TBC1D22A: variants seen among roughly 807,000 people sequenced by gnomAD.
TBC1D22A encodes the protein putative GTPase activator.
In TBC1D22A, 38 loss-of-function variants were observed where a neutral mutation model predicts 60.2. The ratio of observed to expected loss-of-function variants is 0.63; its 90% confidence interval spans 0.49 to 0.83. TBC1D22A has a LOEUF of 0.83. Ranked by LOEUF, TBC1D22A falls within the 40% of genes least tolerant of loss-of-function variation. The pLI is 0.00. For missense variants in TBC1D22A, 628 were observed against 701.0 expected (o/e 0.90, Z 1.18); for synonymous variants, 302 against 281.7 (o/e 1.07, Z -0.72).
At chr22:47,172,325 A>G (rs1829772069) in intron 12 of TBC1D22A, among the ~76,000 whole-genome samples, 8 of 152,262 alleles carry the variant, frequency 5.3e-5, no homozygotes, top group Admixed American at 5.2e-4. Context: ...CAGCCCTGAC[A>G]GTAATTTACT....
At chr22:47,117,693 ACCT>A (rs2066120162) in intron 12 of TBC1D22A, among the ~76,000 whole-genome samples, 3 of 152,234 alleles carry the variant, frequency 2.0e-5, no homozygotes, top group African/African-American at 7.2e-5. Context: ...TTCGTCGGAA[ACCT>A]CCTTGTAGAG....
intron 10 of TBC1D22A, among the ~76,000 whole-genome samples, chr22:47,002,295 G>C (rs1180945878): frequency 6.6e-6 from 1 of 152,176 alleles, no homozygotes; most frequent in Non-Finnish European, 1.5e-5. Flanking sequence ...TGTCACGTCT[G>C]ATGTTAACCT....
chr22:46,846,542 T>C (rs1273961163), intron 4 of TBC1D22A, among the ~76,000 whole-genome samples: 1 of 152,190 alleles, frequency 6.6e-6, no homozygotes, highest in Non-Finnish European at 1.5e-5. Context: ...ATCATTGTCA[T>C]CAGGCCTGGG....
intron 11 of TBC1D22A, among the ~76,000 whole-genome samples, chr22:47,092,529 T>C (rs1240694559): frequency 6.6e-6 from 1 of 152,136 alleles, no homozygotes; most frequent in African/African-American, 2.4e-5. Flanking sequence ...GGGAGCAGAC[T>C]GCAGGCTGCA....
chr22:46,944,900 A>C (rs889938847), intron 8 of TBC1D22A, among the ~76,000 whole-genome samples: 5 of 152,242 alleles, frequency 3.3e-5, no homozygotes, highest in African/African-American at 1.2e-4. Context: ...AATTCACAAA[A>C]GCTGAAAGTT....
intron 11 of TBC1D22A, among the ~76,000 whole-genome samples, chr22:47,082,003 C>T (rs2064486785): frequency 6.6e-6 from 1 of 152,040 alleles, no homozygotes; most frequent in African/African-American, 2.4e-5. Context: ...ACTAAAAATA[C>T]AAAAATTAGC....
intron 4 of TBC1D22A, among the ~76,000 whole-genome samples, chr22:46,847,953 GT>G: frequency 1.7e-5 from 1 of 57,570 alleles, no homozygotes; most frequent in Non-Finnish European, 3.8e-5. Flanking sequence ...GTGTGTGTGT[GT>G]GCGCGCGCGC....
chr22:46,987,173 C>T (rs1331827964), intron 9 of TBC1D22A, among the ~76,000 whole-genome samples: 2 of 152,152 alleles, frequency 1.3e-5, no homozygotes, highest in African/African-American at 2.4e-5. Flanking sequence ...AAGTCATGCC[C>T]CCTGTACGCT....
chr22:47,173,640 C>T lies in TBC1D22A; in HGVS notation c.*14C>T, dbSNP rs572528969. 48 of 1,613,222 alleles carry T rather than the reference C, an allele frequency of 3.0e-5. No individual in the cohort carries two copies. The highest frequency in any genetic ancestry group is 3.0e-4 in the South Asian group (27 of 91,060). On this transcript the variant is annotated 3_prime_UTR_variant, in exon 13 of 13. Transcript: ENST00000337137. ...TACAAGAAATGAGCCCAGGCCCACC[C>T]GCAGCTGGCCTCACTGTCCCGGGTG...
intron 8 of TBC1D22A, among the ~76,000 whole-genome samples, chr22:46,946,859 A>T (rs1257316296): frequency 6.6e-6 from 1 of 152,172 alleles, no homozygotes; most frequent in Non-Finnish European, 1.5e-5. Flanking sequence ...TTGCAACCTG[A>T]TAACACCTCC....
rs1044797288 is a variant in TBC1D22A, at chr22:46,793,575, A to G, written c.194A>G (p.Glu65Gly). ...AGGGTCAGCACCTTCCAGGAGTTTG[A>G]GAGCAATACCAGCGATGCCTGGGAC... is the stretch of plus-strand genomic sequence containing the variant. ...AKRVSTFQEF[E>G]SNTSDAWDAG... The change falls in exon 3 of 13, where the codon GAG (glutamate) becomes GGG (glycine). Residue 65 changes from glutamate (E) to glycine (G), a missense_variant. By Grantham distance (98) the Glu-to-Gly change is moderately conservative. Transcript: ENST00000337137. 1 of 1,614,020 alleles carries G rather than the reference A, an allele frequency of 6.2e-7. No homozygotes were observed.
At chr22:47,044,973 C>A (rs1184194290) in intron 11 of TBC1D22A, among the ~76,000 whole-genome samples, 1 of 152,318 alleles carries the variant, frequency 6.6e-6, no homozygotes, top group Non-Finnish European at 1.5e-5. Context: ...TGTGAAGGCC[C>A]TGAGGTCTGG....
At chr22:47,021,069 C>G (rs778741203) in intron 10 of TBC1D22A, among the ~76,000 whole-genome samples, 2 of 152,192 alleles carry the variant, frequency 1.3e-5, no homozygotes. Flanking sequence ...GGTTCTTCCC[C>G]AGTCAGGCCT....
At chr22:47,081,120 CAAAA>C (rs34794967) in intron 11 of TBC1D22A, among the ~76,000 whole-genome samples, 3 of 83,780 alleles carry the variant, frequency 3.6e-5, no homozygotes, top group Non-Finnish European at 6.9e-5. Context: ...AACTCCGTCT[CAAAA>C]AAAAAAAAAA....
intron 10 of TBC1D22A, among the ~76,000 whole-genome samples, chr22:47,010,112 A>G (rs1012124642): frequency 6.6e-6 from 1 of 152,234 alleles, no homozygotes; most frequent in Non-Finnish European, 1.5e-5. Context: ...ATTCAGGTTA[A>G]ATGTGATTTT....
At chr22:47,169,030 G>A (rs143326409) in intron 12 of TBC1D22A, among the ~76,000 whole-genome samples, 14 of 152,328 alleles carry the variant, frequency 9.2e-5, no homozygotes, top group East Asian at 1.9e-4. Context: ...GAACCCGCCC[G>A]GGGCAGGAGT....
intron 12 of TBC1D22A, among the ~76,000 whole-genome samples, chr22:47,146,221 A>G (rs976603101): frequency 6.6e-6 from 1 of 152,148 alleles, no homozygotes; most frequent in Non-Finnish European, 1.5e-5. Flanking sequence ...CGTCCCTTTC[A>G]CCCAGGGCTC....
At chr22:47,172,570 A>C (rs1272673341) in intron 12 of TBC1D22A, among the ~76,000 whole-genome samples, 1 of 152,160 alleles carries the variant, frequency 6.6e-6, no homozygotes, top group African/African-American at 2.4e-5. Flanking sequence ...ATCTTTACCT[A>C]TGAGAATCCT....
chr22:47,062,655 C>T (rs755954991), intron 11 of TBC1D22A, among the ~76,000 whole-genome samples: 10 of 152,112 alleles, frequency 6.6e-5, no homozygotes, highest in Non-Finnish European at 1.2e-4. Flanking sequence ...ACTAGGAACA[C>T]GAGGCAAATC....
Sources: gnomAD v4.1 joint callset for allele counts (sites outside exome capture counted in the v4.1 genomes callset) on GRCh38, gnomAD v4.1.1 for gene constraint, MANE v1.5 for transcripts, NCBI Gene and HGNC (gene_info 2026-07-23, HGNC 2026-07-21) for gene names.